The following DCC variants were observed in gnomAD, a reference collection of about 807,000 sequenced individuals.
DCC encodes netrin receptor DCC.
Under a neutral mutation model 172.5 loss-of-function variants are expected in DCC, and 58 were observed. That is an observed-to-expected ratio of 0.34 (90% confidence interval 0.27 to 0.42). DCC has a LOEUF of 0.42. Ranked by LOEUF, DCC falls within the 10% of genes least tolerant of loss-of-function variation. The pLI is 1.00. For synonymous variants in DCC, 709 were observed against 644.5 expected (o/e 1.10, Z -1.52); for missense variants, 1,740 against 1,791.0 (o/e 0.97, Z 0.51).
At chr18:53,432,196 GAATT>G (rs1223879836) in intron 21 of DCC, among the ~76,000 whole-genome samples, 1 of 152,044 alleles carries the variant, frequency 6.6e-6, no homozygotes, top group Admixed American at 6.6e-5. Flanking sequence ...AGTAATAAAT[GAATT>G]AAGTTATTCT....
intron 27 of DCC, among the ~76,000 whole-genome samples, chr18:53,507,448 A>ATCTT (rs1373568952): frequency 2.0e-5 from 3 of 152,240 alleles, no homozygotes; most frequent in African/African-American, 7.2e-5. Context: ...TATAACTCTT[A>ATCTT]TCTTACTAGC....
chr18:52,475,518 G>A (rs1989067705), intron 1 of DCC, among the ~76,000 whole-genome samples: 1 of 152,004 alleles, frequency 6.6e-6, no homozygotes, highest in African/African-American at 2.4e-5. Context: ...TTAGTCAAGT[G>A]TCTTTTTCTA....
At chr18:53,476,278 A>G (rs2045761430) in intron 25 of DCC, among the ~76,000 whole-genome samples, 1 of 152,258 alleles carries the variant, frequency 6.6e-6, no homozygotes, top group Middle Eastern at 3.4e-3. Context: ...AGGCATGATT[A>G]GTTTTTAAAT....
At chr18:53,438,278 A>C (rs1008164899) in intron 22 of DCC, among the ~76,000 whole-genome samples, 4 of 152,318 alleles carry the variant, frequency 2.6e-5, no homozygotes, top group Non-Finnish European at 4.4e-5. Context: ...GAGAGAAATT[A>C]ACCTATAGGT....
chr18:53,020,274 C>T (rs1396213627), intron 5 of DCC, among the ~76,000 whole-genome samples: 4 of 152,138 alleles, frequency 2.6e-5, no homozygotes, highest in Non-Finnish European at 5.9e-5. Flanking sequence ...CATAGATCAT[C>T]TTGTTATAAT....
intron 1 of DCC, among the ~76,000 whole-genome samples, chr18:52,715,423 T>C (rs1003434658): frequency 2.0e-5 from 3 of 151,890 alleles, no homozygotes; most frequent in African/African-American, 7.3e-5. Flanking sequence ...CCTCAGCCTC[T>C]TGAGTAGCTG....
In DCC at chr18:53,530,846, C is replaced by T; in HGVS notation, c.*193C>T. 1.5e-6 allele frequency: 1 copy of T among 647,606 alleles called. No homozygotes were observed. Among genetic ancestry groups the T allele is most frequent in the South Asian group, 1.7e-5 (1 of 58,480 alleles). 40.1% of individuals were successfully genotyped at this position (647,606 alleles called of 1,614,324 possible). A position where few individuals can be genotyped will look rare whatever the true frequency, so the allele number is the denominator to read the frequency against. On this transcript the variant is annotated 3_prime_UTR_variant, in exon 29 of 29. Coordinates refer to ENST00000442544, the MANE Select transcript of DCC (RefSeq NM_005215.4). Reference sequence around the variant, plus strand: ...TTCTTTCACAGGCATCAGGAATTGTCAAATGATGATTATGAGTTCCCTAAA... The same window carrying T: ...TTCTTTCACAGGCATCAGGAATTGTTAAATGATGATTATGAGTTCCCTAAA...
intron 12 of DCC, among the ~76,000 whole-genome samples, chr18:53,244,098 C>A (rs751814147): frequency 7.2e-5 from 11 of 152,244 alleles, no homozygotes; most frequent in Non-Finnish European, 1.3e-4. Flanking sequence ...CCAGATGTGA[C>A]GGATTTTTCA....
intron 5 of DCC, among the ~76,000 whole-genome samples, chr18:52,967,879 TG>T (rs1253119984): frequency 6.6e-6 from 1 of 152,198 alleles, no homozygotes; most frequent in African/African-American, 2.4e-5. Flanking sequence ...TAGATAATGT[TG>T]TATGGATAAT....
At chr18:52,552,575 T>A (rs916192799) in intron 1 of DCC, among the ~76,000 whole-genome samples, 8 of 152,010 alleles carry the variant, frequency 5.3e-5, no homozygotes, top group Non-Finnish European at 7.4e-5. Flanking sequence ...TTTTAAAAAT[T>A]TGGGGACAGT....
chr18:53,387,717 T>C (rs1599094652), intron 16 of DCC, among the ~76,000 whole-genome samples: 2 of 152,202 alleles, frequency 1.3e-5, no homozygotes, highest in East Asian at 3.8e-4. Context: ...TCTCATAATT[T>C]TCCTTTAGTG....
At chr18:52,395,960 G>C (rs1760449418) in intron 1 of DCC, among the ~76,000 whole-genome samples, 1 of 151,954 alleles carries the variant, frequency 6.6e-6, no homozygotes, top group South Asian at 2.1e-4. Context: ...CATAAGTCAG[G>C]ATATACCTTT....
At chr18:52,864,702 G>C (rs940111205) in intron 2 of DCC, among the ~76,000 whole-genome samples, 3 of 149,608 alleles carry the variant, frequency 2.0e-5, no homozygotes, top group Non-Finnish European at 3.0e-5. Context: ...CCCCCCAACA[G>C]GCCCCAGTGT....
chr18:53,360,273 A>G (rs539376223), intron 15 of DCC, among the ~76,000 whole-genome samples: 1 of 152,220 alleles, frequency 6.6e-6, no homozygotes, highest in African/African-American at 2.4e-5. Context: ...GGCAAGTTAA[A>G]GACAGCAATA....
chr18:52,538,999 A>G (rs553300266), intron 1 of DCC, among the ~76,000 whole-genome samples: 1 of 152,330 alleles, frequency 6.6e-6, no homozygotes, highest in East Asian at 1.9e-4. Flanking sequence ...AGTAAAAATA[A>G]TAAAATTAGC....
chr18:53,247,838 T>C (rs372785851), intron 12 of DCC, among the ~76,000 whole-genome samples: 3 of 152,002 alleles, frequency 2.0e-5, no homozygotes, highest in African/African-American at 7.2e-5. Flanking sequence ...AAAATTCTTT[T>C]TATTTTCAAC....
chr18:52,433,334 C>T (rs764144668), intron 1 of DCC, among the ~76,000 whole-genome samples: 59 of 152,138 alleles, frequency 3.9e-4, no homozygotes, highest in Non-Finnish European at 2.5e-4. Flanking sequence ...CATATCCATT[C>T]GTTCATTTGA....
At chr18:53,127,390 G>A (rs1038451890) in intron 7 of DCC, among the ~76,000 whole-genome samples, 3 of 152,000 alleles carry the variant, frequency 2.0e-5, no homozygotes, top group Non-Finnish European at 4.4e-5. Context: ...CAACAAGGCA[G>A]AGAAGCCCTA....
At chr18:52,510,791 C>T (rs996671689) in intron 1 of DCC, among the ~76,000 whole-genome samples, 13 of 152,116 alleles carry the variant, frequency 8.5e-5, no homozygotes, top group African/African-American at 2.7e-4. Context: ...AAAGGGTCTT[C>T]CCAGAATCTC....
Sources: allele counts gnomAD v4.1 joint callset (sites outside exome capture counted in the v4.1 genomes callset), GRCh38; gene constraint gnomAD v4.1.1; transcripts MANE v1.5; gene names NCBI Gene and HGNC (gene_info 2026-07-23, HGNC 2026-07-21).